The following PLCL2 variants were observed in gnomAD, a reference collection of about 807,000 sequenced individuals.
PLCL2 encodes phospholipase C like 2, also known as inactive phospholipase C-like protein 2.
In PLCL2, 4 loss-of-function variants were observed where a neutral mutation model predicts 79.6. That is an observed-to-expected ratio of 0.05 (90% CI 0.02 to 0.11). The LOEUF (loss-of-function observed/expected upper bound fraction) is 0.11. Among genes scored for constraint, PLCL2 ranks in the 10% least tolerant of loss-of-function variants. PLCL2 has a pLI of 1.00. For missense variants in PLCL2, 895 were observed against 1,291.0 expected (o/e 0.69, Z 4.70); for synonymous variants, 484 against 457.7 (o/e 1.06, Z -0.73).
At chr3:17,018,878 C>CTG (rs2064414506) in intron 3 of PLCL2, among the ~76,000 whole-genome samples, 1 of 152,090 alleles carries the variant, frequency 6.6e-6, no homozygotes, top group South Asian at 2.1e-4. Context: ...TGAGTGCCTA[C>CTG]TGTGTACCAG....
chr3:16,980,920 G>A (rs1001327780), intron 1 of PLCL2, among the ~76,000 whole-genome samples: 1 of 152,238 alleles, frequency 6.6e-6, no homozygotes, highest in Admixed American at 6.5e-5. Context: ...GATCACTCAC[G>A]GTTAGGAGCT....
chr3:16,950,792 A>G (rs541102409), intron 1 of PLCL2, among the ~76,000 whole-genome samples: 2 of 152,200 alleles, frequency 1.3e-5, no homozygotes, highest in South Asian at 4.1e-4. Flanking sequence ...ACACAATCAT[A>G]TGGTTTTTAT....
chr3:16,945,747 T>G (rs550341919), intron 1 of PLCL2, among the ~76,000 whole-genome samples: 2 of 152,206 alleles, frequency 1.3e-5, no homozygotes, highest in Admixed American at 6.5e-5. Context: ...ATCGGTCATA[T>G]AGCCACTCTG....
intron 2 of PLCL2, 107 bp from the exon 3 acceptor site, chr3:17,014,601 C>A: frequency 1.2e-6 from 1 of 867,064 alleles, no homozygotes; most frequent in Non-Finnish European, 1.9e-6. Context: ...CTGTTAATAA[C>A]TTTTGTACCA....
chr3:17,003,622 G>A (rs1475763946), intron 1 of PLCL2, among the ~76,000 whole-genome samples: 2 of 152,136 alleles, frequency 1.3e-5, no homozygotes, highest in Non-Finnish European at 2.9e-5. Context: ...ATGCACCTGG[G>A]CCTCAGGAAT....
At chr3:16,980,939 G>GC (rs2063987353) in intron 1 of PLCL2, among the ~76,000 whole-genome samples, 1 of 152,262 alleles carries the variant, frequency 6.6e-6, no homozygotes, top group Non-Finnish European at 1.5e-5. Flanking sequence ...CTGGAGACCA[G>GC]CCCGGCCAAC....
intron 1 of PLCL2, among the ~76,000 whole-genome samples, chr3:16,954,304 G>C (rs1031822506): frequency 2.0e-5 from 3 of 152,104 alleles, no homozygotes; most frequent in African/African-American, 7.2e-5. Context: ...GCGATAGTTT[G>C]CTGAGAATGA....
chr3:16,959,639 G>T lies in PLCL2; in HGVS notation c.328-50035G>T, dbSNP rs9863650. Among the ~76,000 whole-genome samples, 340 of 152,200 alleles carry T rather than the reference G, an allele frequency of 2.2e-3. 2 individuals carry two copies. The highest frequency in any genetic ancestry group is 7.7e-3 in the African/African-American group (318 of 41,538). On this transcript the variant is annotated intron_variant, in intron 1 of 5. Coordinates refer to ENST00000615277, the MANE Select transcript of PLCL2 (RefSeq NM_001144382.2). The stretch of plus-strand genomic sequence containing the variant: ...TTCTATCAATATGTTCCCCCTTGGA[G>T]AGTTCTCACAAGCAGCAGATATCAC...
At chr3:17,039,996 A>G (rs1294064172) in intron 3 of PLCL2, among the ~76,000 whole-genome samples, 1 of 152,222 alleles carries the variant, frequency 6.6e-6, no homozygotes, top group Non-Finnish European at 1.5e-5. Context: ...AAAGGGCTGT[A>G]GCTTCAGAAT....
intron 1 of PLCL2, among the ~76,000 whole-genome samples, chr3:16,983,197 T>C (rs2064017697): frequency 1.3e-5 from 2 of 151,986 alleles, no homozygotes; most frequent in Admixed American, 6.6e-5. Context: ...TTGTTTTCTT[T>C]AGGGTTAGAC....
intron 1 of PLCL2, among the ~76,000 whole-genome samples, chr3:16,952,300 G>A (rs1304898619): frequency 8.3e-6 from 1 of 121,184 alleles, no homozygotes; most frequent in Non-Finnish European, 1.6e-5. Context: ...TACCTATGTA[G>A]CAAATGTATA....
At chr3:17,060,975 G>A (rs1040056468) in intron 4 of PLCL2, among the ~76,000 whole-genome samples, 1 of 152,140 alleles carries the variant, frequency 6.6e-6, no homozygotes, top group Non-Finnish European at 1.5e-5. Flanking sequence ...TTTTGGGACA[G>A]CAAAGTAAAT....
At chr3:17,038,476 T>C (rs930844442) in intron 3 of PLCL2, among the ~76,000 whole-genome samples, 1 of 152,208 alleles carries the variant, frequency 6.6e-6, no homozygotes, top group Non-Finnish European at 1.5e-5. Flanking sequence ...GACGTATCAG[T>C]GTAATATACA....
In PLCL2 at chr3:16,886,288, G is replaced by A. The variant is rs943875600; in HGVS notation, c.327+922G>A. On this transcript the variant is annotated intron_variant, in intron 1 of 5. Transcript: ENST00000615277. This position sits in a 1 kb window ranked among gnomAD's most constrained non-coding sequence, Gnocchi z 4.2. ...CTCATTCGGCTCGCTCAAGTTTGGAGCAAATGAAAACATTGCTTTCTGAAA... is the reference window on the plus strand; with the variant it reads ...CTCATTCGGCTCGCTCAAGTTTGGAACAAATGAAAACATTGCTTTCTGAAA... Among the ~76,000 whole-genome samples, 5 of 152,210 alleles carry A rather than the reference G, an allele frequency of 3.3e-5. No individual in the cohort carries two copies. Among genetic ancestry groups the A allele is most frequent in the Non-Finnish European group, 7.3e-5 (5 of 68,030 alleles).
At chr3:16,885,876 C>G (rs774400534) in intron 1 of PLCL2, among the ~76,000 whole-genome samples, 1 of 152,186 alleles carries the variant, frequency 6.6e-6, no homozygotes, top group African/African-American at 2.4e-5. Flanking sequence ...GCAAAATCTC[C>G]TAATATCCGG....
chr3:16,957,730 A>T (rs1201889742), intron 1 of PLCL2, among the ~76,000 whole-genome samples: 1 of 152,164 alleles, frequency 6.6e-6, no homozygotes, highest in Admixed American at 6.5e-5. Context: ...GGGGGCATAT[A>T]TATTTAGGAT....
At chr3:16,905,432 T>C (rs1696728258) in intron 1 of PLCL2, among the ~76,000 whole-genome samples, 1 of 152,254 alleles carries the variant, frequency 6.6e-6, no homozygotes, top group African/African-American at 2.4e-5. Flanking sequence ...AGCAGCCTTC[T>C]AATGGAAATT....
At chr3:16,971,982 C>T (rs578109375) in intron 1 of PLCL2, among the ~76,000 whole-genome samples, 2 of 152,136 alleles carry the variant, frequency 1.3e-5, no homozygotes, top group Non-Finnish European at 1.5e-5. Flanking sequence ...TTCAACAGCC[C>T]TTCATGCTAA....
At chr3:16,885,432 G>T (rs1047586624) in intron 1 of PLCL2, 66 bp downstream of exon 1, 6 of 546,044 alleles carry the variant, frequency 1.1e-5, no homozygotes, top group South Asian at 1.1e-4. Flanking sequence ...TCTCCCTGGG[G>T]GAGTGGTGGT....
Sources: allele counts gnomAD v4.1 joint callset (sites outside exome capture counted in the v4.1 genomes callset), GRCh38; gene constraint gnomAD v4.1.1; non-coding constraint Gnocchi (gnomAD v3.1); transcripts MANE v1.5; gene names NCBI Gene and HGNC (gene_info 2026-07-23, HGNC 2026-07-21).